MDGA1: variants seen among roughly 807,000 people sequenced by gnomAD.
MDGA1 encodes the protein MAM domain containing glycosylphosphatidylinositol anchor 1.
A neutral mutation model predicts 101.5 loss-of-function variants in MDGA1; 54 were observed. The observed-to-expected ratio is 0.53, with a 90% confidence interval of 0.43 to 0.67. The LOEUF is 0.67. MDGA1 is among the 30% of genes least tolerant of loss of function. The pLI, the probability that MDGA1 is intolerant of heterozygous loss-of-function variation, is 0.00. For missense variants in MDGA1, 1,083 were observed against 1,323.8 expected (o/e 0.82, Z 2.82); for synonymous variants, 533 against 558.3 (o/e 0.95, Z 0.64).
intron 8 of MDGA1, chr6:37,649,787 A>G (rs1269106594): frequency 7.3e-6 from 4 of 550,608 alleles, no homozygotes; most frequent in Non-Finnish European, 1.4e-5. Flanking sequence ...GGTAATTTTC[A>G]TCATCCTGTT....
At chr6:37,681,577 A>G (rs1308410310) in intron 1 of MDGA1, among the ~76,000 whole-genome samples, 1 of 152,266 alleles carries the variant, frequency 6.6e-6, no homozygotes, top group Non-Finnish European at 1.5e-5. Flanking sequence ...CGTGTGCAAC[A>G]TCATCACCCA....
chr6:37,646,221 G>A lies in MDGA1; in HGVS notation c.2201C>T (p.Ser734Phe), dbSNP rs761815033. ...ACGCTCTGTGTAGTGGATGATGCGG[G>A]AGGCCATGTCACCAGCCCCGAAGGT... is the stretch of plus-strand genomic sequence containing the variant. ...YTTFGAGDMA[S>F]RIIHYTEPIN... Residue 734 changes from serine (S) to phenylalanine (F), a missense_variant, in exon 11 of 17, where the codon TCC (serine) becomes TTC (phenylalanine). Coordinates refer to ENST00000434837, the MANE Select transcript of MDGA1 (RefSeq NM_153487.4). 3.8e-6 allele frequency: 6 copies of A among 1,588,960 alleles called. No individual in the cohort carries two copies. In the East Asian group the frequency reaches 1.1e-4, roughly 30 times the overall value.
At chr6:37,663,120 T>C (rs1761664902) in intron 2 of MDGA1, among the ~76,000 whole-genome samples, 1 of 152,184 alleles carries the variant, frequency 6.6e-6, no homozygotes, top group Non-Finnish European at 1.5e-5. Flanking sequence ...TGTCACCCTT[T>C]CTGTTGCTAT....
intron 9 of MDGA1, chr6:37,648,773 G>C (rs552630193): frequency 2.1e-6 from 2 of 940,552 alleles, no homozygotes; most frequent in South Asian, 3.6e-5. Flanking sequence ...GGCGGGGCTG[G>C]GAGGCCCAGG....
rs1373601062 is a variant in MDGA1 at position 37,631,107 on chromosome 6, TAGAATACAGAAGCACCAGA to T, written c.*6242_*6260del. The T allele has an allele frequency of 3.3e-5, 5 of 152,150 alleles. No homozygotes were observed. The highest frequency in any genetic ancestry group is 4.8e-5 in the African/African-American group (2 of 41,424). 9.4% of individuals were successfully genotyped at this position (152,150 alleles called of 1,614,324 possible). A position where few individuals can be genotyped will look rare whatever the true frequency, so the allele number is the denominator to read the frequency against. ...GCAGCCATCTTTATTCTACCACAGG[TAGAATACAGAAGCACCAGA>T]AGAATACAGAAGCACCAGAAACTTC... On this transcript the variant is annotated 3_prime_UTR_variant, in exon 17 of 17. Coordinates refer to ENST00000434837, the MANE Select transcript of MDGA1 (RefSeq NM_153487.4).
Position 37,696,734 on chromosome 6 carries a change from C to A in MDGA1, c.67+11G>T, listed in dbSNP as rs753316611. ...GGTTAAGCCAAGGTGGAGCGGGACG[C>A]GGGCTCTTACCGTAGACTCCTTGTC... On this transcript the variant is annotated intron_variant, in intron 1 of 16. Transcript: ENST00000434837. The surrounding 1 kb of genome is among the most constrained non-coding windows in gnomAD (Gnocchi z 5.6). 7.0e-6 allele frequency: 11 copies of A among 1,573,514 alleles called. No homozygotes were observed. The East Asian group carries it at 1.6e-4, about 24-fold the overall frequency.
rs905915990 is a variant in MDGA1, at chr6:37,676,215, C to T, written c.68-12109G>A. ...AGTCTCTAGGAGTCTGTGGCACAGT[C>T]GCTAGGGATAGGGCACCACCAGGGT... is the stretch of plus-strand genomic sequence containing the variant. On this transcript the variant is annotated intron_variant, in intron 1 of 16. Transcript: ENST00000434837. 7.9e-5 allele frequency among the ~76,000 whole-genome samples: 12 copies of T among 152,210 alleles called. 1 individual carries two copies. Among genetic ancestry groups the T allele is most frequent in the Admixed American group, 5.2e-4 (8 of 15,294 alleles).
At chr6:37,679,914 C>T (rs2114089165) in intron 1 of MDGA1, among the ~76,000 whole-genome samples, 1 of 152,330 alleles carries the variant, frequency 6.6e-6, no homozygotes, top group South Asian at 2.1e-4. Context: ...GTTTCAGAAG[C>T]CTCTGCTCCT....
At chr6:37,658,990 G>T (rs201087089) in intron 2 of MDGA1, among the ~76,000 whole-genome samples, 67 of 86,496 alleles carry the variant, frequency 7.7e-4, no homozygotes, top group Admixed American at 1.6e-3. Flanking sequence ...AAAAAAAAAA[G>T]ACTGATTTCC....
rs909853817 is a variant in MDGA1, at chr6:37,638,656, G to T, written c.2548C>A (p.Leu850Ile). 1.2e-5 allele frequency: 19 copies of T among 1,613,186 alleles called. No individual in the cohort carries two copies. In the African/African-American group the frequency reaches 2.0e-4, roughly 17 times the overall value. ...MYGKHIGSLN[L>I]LVRSRNKGAL... ...CCTTTGTTCCGGGACCGCACCAGGA[G>T]GTTGAGGGAGCCTGCGGTGGGTGTG... The change falls in exon 15 of 17, where the codon CTC (leucine) becomes ATC (isoleucine). Residue 850 changes from leucine (L) to isoleucine (I), a missense_variant. Coordinates refer to ENST00000434837, the MANE Select transcript of MDGA1 (RefSeq NM_153487.4). The surrounding 1 kb of genome is among the most constrained non-coding windows in gnomAD (Gnocchi z 4.8).
At chr6:37,664,478 T>G (rs1761698315) in intron 1 of MDGA1, among the ~76,000 whole-genome samples, 1 of 152,020 alleles carries the variant, frequency 6.6e-6, no homozygotes, top group Non-Finnish European at 1.5e-5. Flanking sequence ...AGGTGACAGG[T>G]GCATCCATCC....
intron 2 of MDGA1, among the ~76,000 whole-genome samples, chr6:37,661,906 G>A (rs114724293): frequency 0.02 from 3,078 of 152,092 alleles, 37 homozygotes; most frequent in Middle Eastern, 0.054. Flanking sequence ...CGTAATCCCC[G>A]CACTTTGAGA....
chr6:37,650,704 A>G (rs1761341414), intron 7 of MDGA1, among the ~76,000 whole-genome samples: 1 of 152,176 alleles, frequency 6.6e-6, no homozygotes, highest in Admixed American at 6.5e-5. Context: ...AAACATTTCT[A>G]AATATATCCA....
At chr6:37,654,203 T>C in intron 6 of MDGA1, 71 bp downstream of exon 6, 1 of 1,459,136 alleles carries the variant, frequency 6.9e-7, no homozygotes, top group Non-Finnish European at 9.1e-7. Context: ...CCTAGTTCAT[T>C]GGTAGCTCCC....
At chr6:37,654,600 G>A in intron 5 of MDGA1, 57 bp from the exon 6 acceptor site, 2 of 1,610,616 alleles carry the variant, frequency 1.2e-6, no homozygotes, top group Non-Finnish European at 8.5e-7. Flanking sequence ...GGATGTTGGG[G>A]AGAGTAAGGG....
At chr6:37,690,494 C>T (rs963137325) in intron 1 of MDGA1, among the ~76,000 whole-genome samples, 3 of 152,126 alleles carry the variant, frequency 2.0e-5, no homozygotes, top group Admixed American at 6.5e-5. Flanking sequence ...TAATATTATT[C>T]CTGGCCAGGC....
Position 37,671,825 on chromosome 6 carries a change from C to T in MDGA1, c.68-7719G>A, listed in dbSNP as rs551602911. On this transcript the variant is annotated intron_variant, in intron 1 of 16. Coordinates refer to ENST00000434837, the MANE Select transcript of MDGA1 (RefSeq NM_153487.4). ...GTGGATACAACACTAGGGTGAGGGC[C>T]AAACAAGACAGACAGCAAGACAAAT... is the stretch of plus-strand genomic sequence containing the variant. 5.9e-5 allele frequency among the ~76,000 whole-genome samples: 9 copies of T among 152,258 alleles called. No individual in the cohort carries two copies. In the South Asian group the frequency reaches 1.9e-3, roughly 32 times the overall value.
chr6:37,681,596 C>T (rs1433877306), intron 1 of MDGA1, among the ~76,000 whole-genome samples: 1 of 152,242 alleles, frequency 6.6e-6, no homozygotes, highest in Non-Finnish European at 1.5e-5. Flanking sequence ...CATATACACA[C>T]CTACAGCACA....
chr6:37,652,115 A>G lies in MDGA1; in HGVS notation c.1208T>C (p.Ile403Thr). The G allele has an allele frequency of 1.9e-6, 3 of 1,613,892 alleles. No homozygotes were observed. Among genetic ancestry groups the G allele is most frequent in the Non-Finnish European group, 2.5e-6 (3 of 1,179,890 alleles). Reference protein sequence around the residue: ...LPAVTSSLELIDLHFSDYGTY... With the variant: ...LPAVTSSLELTDLHFSDYGTY... The stretch of plus-strand genomic sequence containing the variant: ...GCCATAGTCACTGAAGTGCAGGTCA[A>G]TGAGCTCTAGGCTGCTGGTGACTGC... The change falls in exon 7 of 17, where the codon ATT becomes ACT. Residue 403 changes from isoleucine (I) to threonine (T), a missense_variant. Ile to Thr is a moderately conservative substitution (Grantham distance 89, BLOSUM62 -1). Coordinates refer to ENST00000434837, the MANE Select transcript of MDGA1 (RefSeq NM_153487.4). The surrounding 1 kb of genome is among the most constrained non-coding windows in gnomAD (Gnocchi z 4.3).
Sources: allele counts gnomAD v4.1 joint callset (sites outside exome capture counted in the v4.1 genomes callset), GRCh38; gene constraint gnomAD v4.1.1; non-coding constraint Gnocchi (gnomAD v3.1); transcripts MANE v1.5; gene names NCBI Gene and HGNC (gene_info 2026-07-23, HGNC 2026-07-21).